The following CCNK variants were observed in gnomAD, a reference collection of about 807,000 sequenced individuals.
CCNK encodes the protein cyclin-K.
CCNK carries 9 observed loss-of-function variants against 65.0 expected under a neutral mutation model. The observed-to-expected ratio is 0.14, with a 90% CI of 0.08 to 0.24. The LOEUF is 0.24. Ranked by LOEUF, CCNK falls within the 10% of genes least tolerant of loss-of-function variation. The pLI is 1.00. For synonymous variants in CCNK, 279 were observed against 270.8 expected (o/e 1.03, Z -0.30); for missense variants, 474 against 720.0 (o/e 0.66, Z 3.91).
intron 1 of CCNK, among the ~76,000 whole-genome samples, chr14:99,483,039 T>G (rs1049328332): frequency 6.6e-6 from 1 of 152,244 alleles, no homozygotes; most frequent in African/African-American, 2.4e-5. Flanking sequence ...TATAAAATCG[T>G]TATTCTTAGA....
At chr14:99,499,129 G>A (rs945778198) in intron 4 of CCNK, among the ~76,000 whole-genome samples, 8 of 152,144 alleles carry the variant, frequency 5.3e-5, no homozygotes, top group South Asian at 2.1e-4. Context: ...AGCCTCTGCC[G>A]CCCAGGCTCG....
Position 99,511,096 on chromosome 14 carries a change from A to C in CCNK, c.*314A>C. ...TTAACCAGCCATATTGGCTCAATAA[A>C]TAGCTTCGGTAAGGAGTTAATTTCC... On this transcript the variant is annotated 3_prime_UTR_variant, in exon 11 of 11. Transcript: ENST00000389879. 4.6e-6 allele frequency: 1 copy of C among 218,670 alleles called. No homozygotes were observed. The allele number at this position is 218,670 out of a possible 1,614,324, so 13.5% of individuals were successfully genotyped here. A position where few individuals can be genotyped will look rare whatever the true frequency, so the allele number is the denominator to read the frequency against.
chr14:99,503,395 T>G, intron 8 of CCNK: 1 of 603,824 alleles, frequency 1.7e-6, no homozygotes, highest in Non-Finnish European at 3.0e-6. Flanking sequence ...AAGCTAGTCA[T>G]TCTGTCTTAT....
intron 9 of CCNK, chr14:99,504,636 G>A (rs1896928729): frequency 6.6e-6 from 1 of 152,088 alleles, no homozygotes; most frequent in African/African-American, 2.4e-5. Flanking sequence ...TTTTAGTAGA[G>A]ACAGGGTTTC....
chr14:99,482,931 AT>A (rs1436704635), intron 1 of CCNK, among the ~76,000 whole-genome samples: 3 of 152,234 alleles, frequency 2.0e-5, no homozygotes, highest in South Asian at 2.1e-4. Flanking sequence ...GGACAAAAAA[AT>A]CTAGAGGAAT....
intron 4 of CCNK, among the ~76,000 whole-genome samples, chr14:99,496,347 G>A (rs1218586248): frequency 2.0e-5 from 3 of 152,088 alleles, no homozygotes; most frequent in Non-Finnish European, 4.4e-5. Flanking sequence ...AGGCCAAGCC[G>A]GGCAGATTGC....
intron 8 of CCNK, chr14:99,503,397 C>G (rs1566751976): frequency 1.7e-6 from 1 of 603,932 alleles, no homozygotes; most frequent in Non-Finnish European, 3.0e-6. Flanking sequence ...GCTAGTCATT[C>G]TGTCTTATTT....
In CCNK at chr14:99,492,929, G is replaced by A. The variant is rs1896625972; in HGVS notation, c.197+55G>A. ...AGATAGGCTCCCCACTCACCACCAA[G>A]AAATAATTAGATTCTGTAGACAAAA... On this transcript the variant is annotated intron_variant, in intron 2 of 10. Transcript: ENST00000389879. 3.7e-6 allele frequency: 5 copies of A among 1,361,888 alleles called. No homozygotes were observed. In the East Asian group the frequency reaches 1.2e-4, roughly 33 times the overall value. 84.4% of individuals were successfully genotyped at this position (1,361,888 alleles called of 1,614,324 possible). A position where few individuals can be genotyped will look rare whatever the true frequency, so the allele number is the denominator to read the frequency against.
chr14:99,498,180 G>GC (rs1290427308), intron 4 of CCNK, among the ~76,000 whole-genome samples: 1 of 152,076 alleles, frequency 6.6e-6, no homozygotes, highest in Non-Finnish European at 1.5e-5. Context: ...CCTTGGAGAA[G>GC]CCCCCTTTAC....
intron 3 of CCNK, chr14:99,494,379 A>G (rs1290436734): frequency 6.6e-6 from 1 of 152,250 alleles, no homozygotes; most frequent in Non-Finnish European, 1.5e-5. Flanking sequence ...ATTTGGCTTC[A>G]GTGGGTGAAC....
At chr14:99,501,457 G>A in intron 6 of CCNK, 44 bp downstream of exon 6, 1 of 1,270,656 alleles carries the variant, frequency 7.9e-7, no homozygotes, top group Non-Finnish European at 1.1e-6. Flanking sequence ...TTTTAAAATA[G>A]GCAGAGACTT....
At chr14:99,491,040 G>A (rs1267171216) in intron 1 of CCNK, among the ~76,000 whole-genome samples, 1 of 151,860 alleles carries the variant, frequency 6.6e-6, no homozygotes, top group African/African-American at 2.4e-5. Flanking sequence ...TCTCCATCCA[G>A]TACTTAACGA....
chr14:99,483,127 C>A (rs556382452), intron 1 of CCNK, among the ~76,000 whole-genome samples: 1 of 152,094 alleles, frequency 6.6e-6, no homozygotes, highest in South Asian at 2.1e-4. Context: ...TAGAACCATT[C>A]GATGGCTCTT....
chr14:99,510,374 G>A lies in CCNK; in HGVS notation c.1335G>A (p.Gln445=). 6.3e-7 allele frequency: 1 copy of A among 1,576,014 alleles called. No individual in the cohort carries two copies. The highest frequency in any genetic ancestry group is 8.6e-7 in the Non-Finnish European group (1 of 1,164,470). ...CCTACATGTCTGGAGAGGGCTACCA[G>A]AGCCTGCAGTCCATGATGAAGACCG... The part of the protein sequence containing the change: ...TSSYMSGEGY[Q]SLQSMMKTEG... The change falls in exon 11 of 11, where the codon CAG becomes CAA. Residue 445 remains glutamine (Q), a synonymous_variant. Transcript: ENST00000389879.
chr14:99,497,240 C>A (rs1005934310), intron 4 of CCNK, among the ~76,000 whole-genome samples: 1 of 152,100 alleles, frequency 6.6e-6, no homozygotes, highest in Non-Finnish European at 1.5e-5. Context: ...TGTGCTCCAC[C>A]TGTTTGTCTC....
chr14:99,493,243 A>C, intron 2 of CCNK: 1 of 465,612 alleles, frequency 2.1e-6, no homozygotes, highest in Non-Finnish European at 3.8e-6. Context: ...ACACCACTGC[A>C]CTCTAGCCTG....
chr14:99,484,042 AT>A (rs1181473701), intron 1 of CCNK, among the ~76,000 whole-genome samples: 1 of 152,270 alleles, frequency 6.6e-6, no homozygotes, highest in Non-Finnish European at 1.5e-5. Context: ...CTCAAAAAAA[AT>A]AAAAAATAAA....
rs1348516208 is a variant in CCNK, at chr14:99,512,275, G to T, written c.*1493G>T. 6.6e-6 allele frequency: 1 copy of T among 152,078 alleles called. No individual in the cohort carries two copies. The highest frequency in any genetic ancestry group is 1.5e-5 in the Non-Finnish European group (1 of 68,016). 9.4% of individuals were successfully genotyped at this position (152,078 alleles called of 1,614,324 possible). ...GGAAGGGGTGGCTCCAGGTCTCACT[G>T]TGGCACCTTCTACAGAAAATAGACG... On this transcript the variant is annotated 3_prime_UTR_variant, in exon 11 of 11. Coordinates refer to ENST00000389879, the MANE Select transcript of CCNK (RefSeq NM_001099402.2).
At chr14:99,503,576 C>T in intron 8 of CCNK, 35 bp from the exon 9 acceptor site, 1 of 1,537,952 alleles carries the variant, frequency 6.5e-7, no homozygotes, top group Non-Finnish European at 8.8e-7. Context: ...TACTCAGGAT[C>T]CCAGTTAACA....
Sources: allele counts gnomAD v4.1 joint callset (sites outside exome capture counted in the v4.1 genomes callset), GRCh38; gene constraint gnomAD v4.1.1; transcripts MANE v1.5; gene names NCBI Gene and HGNC (gene_info 2026-07-23, HGNC 2026-07-21).